Variants in DPP6 observed in about 807,000 individuals in gnomAD.
The protein encoded by DPP6 is A-type potassium channel modulatory protein DPP6.
In DPP6, 69 loss-of-function variants were observed where a neutral mutation model predicts 122.6. That is an observed-to-expected ratio of 0.56 (90% CI 0.46 to 0.69). The LOEUF is 0.69. Ranked by LOEUF, DPP6 falls within the 30% of genes least tolerant of loss-of-function variation. DPP6 has a pLI of 0.00. For missense variants in DPP6, 928 were observed against 1,116.9 expected (o/e 0.83, Z 2.41); for synonymous variants, 418 against 433.1 (o/e 0.97, Z 0.43).
At chr7:153,773,297 G>GTGTGTGTGTGTC in the DPP6 span, among the ~76,000 whole-genome samples, 2 of 139,872 alleles carry the variant, frequency 1.4e-5, no homozygotes, top group Admixed American at 7.5e-5. Context: ...GTGTGTCTGT[G>GTGTGTGTGTGTC]TGTGTATGTG....
At chr7:154,506,114 A>G (rs1385503339) in intron 3 of DPP6, among the ~76,000 whole-genome samples, 1 of 152,122 alleles carries the variant, frequency 6.6e-6, no homozygotes, top group Non-Finnish European at 1.5e-5. Context: ...GATTTGAAAA[A>G]GTTGATTTTG....
At chr7:153,764,805 C>T in the DPP6 span, among the ~76,000 whole-genome samples, 1,831 of 148,512 alleles carry the variant, frequency 0.012, no homozygotes, top group East Asian at 0.038. Context: ...GAGAAACACC[C>T]ACATTTTCCC....
At chr7:154,872,348 G>A (rs538482846) in intron 18 of DPP6, among the ~76,000 whole-genome samples, 2 of 152,208 alleles carry the variant, frequency 1.3e-5, no homozygotes, top group East Asian at 3.8e-4. Flanking sequence ...GCGAGTGCCC[G>A]GGCCATCGAG....
chr7:153,863,529 G>A, the DPP6 span, among the ~76,000 whole-genome samples: 5 of 151,922 alleles, frequency 3.3e-5, no homozygotes, highest in Admixed American at 6.6e-5. Flanking sequence ...CATTCAAAAT[G>A]TATAATCATC....
At chr7:154,629,590 C>T (rs1586767432) in intron 5 of DPP6, among the ~76,000 whole-genome samples, 2 of 150,918 alleles carry the variant, frequency 1.3e-5, no homozygotes, top group African/African-American at 4.9e-5. Context: ...TGACTCTGGG[C>T]TCATCTACAC....
At chr7:154,834,500 A>G (rs987437669) in intron 16 of DPP6, among the ~76,000 whole-genome samples, 2 of 151,526 alleles carry the variant, frequency 1.3e-5, no homozygotes, top group African/African-American at 2.4e-5. Flanking sequence ...AACAAAAACA[A>G]AAACAAAAAA....
Position 153,920,825 on chromosome 7 carries a change from C to T in DPP6, c.51+33091C>T, listed in dbSNP as rs1585034379. Reference sequence around the variant, plus strand: ...CTGCCCACCTCAGCCTCCCAAAGTGCTGGGATTACAGGCGTGAGCCACCGC... The same window carrying T: ...CTGCCCACCTCAGCCTCCCAAAGTGTTGGGATTACAGGCGTGAGCCACCGC... On this transcript the variant is annotated intron_variant, in intron 1 of 25. Coordinates refer to the DPP6 transcript ENST00000404039. 3.3e-5 allele frequency among the ~76,000 whole-genome samples: 5 copies of T among 152,186 alleles called. No individual in the cohort carries two copies. In the South Asian group the frequency reaches 1.0e-3, roughly 32 times the overall value.
chr7:154,051,771 C>T (rs1390520794), upstream of DPP6, among the ~76,000 whole-genome samples: 1 of 150,700 alleles, frequency 6.6e-6, no homozygotes, highest in African/African-American at 2.4e-5. Flanking sequence ...GCGTCCTCTG[C>T]CGCCCCGCGA....
At chr7:154,774,242 T>C (rs1259460293) in intron 10 of DPP6, among the ~76,000 whole-genome samples, 2 of 152,034 alleles carry the variant, frequency 1.3e-5, no homozygotes, top group African/African-American at 4.8e-5. Flanking sequence ...GTTTGGAGAG[T>C]TGAATTGATT....
chr7:154,369,119 G>A (rs1258598187), intron 1 of DPP6, among the ~76,000 whole-genome samples: 9 of 152,034 alleles, frequency 5.9e-5, no homozygotes, highest in Admixed American at 3.9e-4. Context: ...TTTTTGAGAT[G>A]GAGTCTCACT....
intron 1 of DPP6, among the ~76,000 whole-genome samples, chr7:153,951,903 C>T (rs1045590731): frequency 6.6e-6 from 1 of 151,992 alleles, no homozygotes; most frequent in Non-Finnish European, 1.5e-5. Context: ...ATTACTTGGG[C>T]GTGGTGGTGC....
chr7:154,776,803 T>C (rs1299729190), intron 10 of DPP6, among the ~76,000 whole-genome samples: 1 of 152,166 alleles, frequency 6.6e-6, no homozygotes, highest in Non-Finnish European at 1.5e-5. Flanking sequence ...CTAAAGGAAC[T>C]AACTGAAACT....
At chr7:153,952,440 T>G (rs1257736907) in intron 1 of DPP6, among the ~76,000 whole-genome samples, 3 of 152,208 alleles carry the variant, frequency 2.0e-5, no homozygotes, top group African/African-American at 7.2e-5. Flanking sequence ...CAGATTCAAA[T>G]CCAGATTTTA....
intron 1 of DPP6, among the ~76,000 whole-genome samples, chr7:154,023,913 A>C (rs374534077): frequency 5.9e-5 from 9 of 152,332 alleles, no homozygotes; most frequent in East Asian, 3.9e-4. Context: ...TGTTAAGAAT[A>C]AATTCAATTA....
intron 7 of DPP6, among the ~76,000 whole-genome samples, chr7:154,700,720 C>T (rs113448409): frequency 0.016 from 2,361 of 151,664 alleles, 47 homozygotes; most frequent in African/African-American, 0.053. Context: ...GGTGGCCCCT[C>T]GAACCCCATC....
intron 1 of DPP6, among the ~76,000 whole-genome samples, chr7:154,442,726 C>T (rs940452692): frequency 2.0e-5 from 3 of 152,132 alleles, no homozygotes; most frequent in Non-Finnish European, 2.9e-5. Context: ...AAAAGGGATA[C>T]ATAAATATAT....
At chr7:153,997,883 G>T (rs1797519630) in intron 1 of DPP6, among the ~76,000 whole-genome samples, 1 of 151,662 alleles carries the variant, frequency 6.6e-6, no homozygotes, top group Admixed American at 6.6e-5. Context: ...CTGCTGAGGA[G>T]TGCTAAGGAG....
At chr7:154,724,310 C>T (rs1326841155) in intron 7 of DPP6, among the ~76,000 whole-genome samples, 2 of 152,150 alleles carry the variant, frequency 1.3e-5, no homozygotes, top group Non-Finnish European at 2.9e-5. Context: ...GCAGATGGTT[C>T]TCTATCACCC....
chr7:154,426,103 T>G (rs1174274071), intron 1 of DPP6, among the ~76,000 whole-genome samples: 2 of 152,134 alleles, frequency 1.3e-5, no homozygotes, highest in East Asian at 3.9e-4. Context: ...GCTTGATTTA[T>G]GATGCGAGAT....
Sources: gnomAD v4.1 joint callset for allele counts (sites outside exome capture counted in the v4.1 genomes callset) on GRCh38, gnomAD v4.1.1 for gene constraint, MANE v1.5 for transcripts, NCBI Gene and HGNC (gene_info 2026-07-23, HGNC 2026-07-21) for gene names.